Variants in PHF2 observed in about 807,000 individuals in gnomAD.
PHF2 encodes the protein lysine-specific demethylase PHF2.
Under a neutral mutation model 120.5 loss-of-function variants are expected in PHF2, and 27 were observed. The ratio of observed to expected loss-of-function variants is 0.22; its 90% CI spans 0.17 to 0.31. PHF2 has a LOEUF of 0.31. Ranked by LOEUF, PHF2 falls within the 10% of genes least tolerant of loss-of-function variation. The pLI is 1.00. For missense variants in PHF2, 1,024 were observed against 1,434.8 expected (o/e 0.71, Z 4.63); for synonymous variants, 568 against 592.5 (o/e 0.96, Z 0.60).
chr9:93,665,845 C>T lies in PHF2; in HGVS notation c.2097C>T (p.Ala699=), dbSNP rs774475606. ...TTCCCATCAGGAGGAAGAAAAACGC[C>T]CCGAAAAGGGACTTGTCCTGTGAGT... ...DEFPIRRKKN[A]PKRDLSFLLD... is the part of the protein sequence containing the mutation. The change falls in exon 15 of 22, where the codon GCC becomes GCT. Residue 699 remains alanine (A), a synonymous_variant. Transcript: ENST00000359246. 7 of 1,613,560 alleles carry T rather than the reference C, an allele frequency of 4.3e-6. No individual in the cohort carries two copies. In the South Asian group the frequency reaches 6.6e-5, roughly 15 times the overall value.
intron 3 of PHF2, 80 bp from the exon 4 acceptor site, chr9:93,645,549 G>T (rs1254279923): frequency 1.1e-5 from 16 of 1,413,538 alleles, no homozygotes; most frequent in Middle Eastern, 4.4e-4. Context: ...CACCTCTCCA[G>T]CACCGAGGCC....
At chr9:93,647,116 T>G (rs79049472) in intron 4 of PHF2, among the ~76,000 whole-genome samples, 10,530 of 152,296 alleles carry the variant, frequency 0.069, 430 homozygotes, top group Non-Finnish European at 0.088. Context: ...CAGCCTTGTG[T>G]ACCCCAGCTG....
chr9:93,601,787 C>T (rs537477547), intron 1 of PHF2, among the ~76,000 whole-genome samples: 1 of 152,208 alleles, frequency 6.6e-6, no homozygotes, highest in African/African-American at 2.4e-5. Context: ...TCATTAATTT[C>T]CTGGAGCTCC....
chr9:93,667,620 G>A (rs1333018095), intron 17 of PHF2, among the ~76,000 whole-genome samples: 1 of 152,176 alleles, frequency 6.6e-6, no homozygotes, highest in Non-Finnish European at 1.5e-5. Context: ...GTCGGGGGCT[G>A]CAGCTGCCAT....
intron 2 of PHF2, among the ~76,000 whole-genome samples, chr9:93,631,330 C>T (rs114579875): frequency 6.6e-6 from 1 of 152,178 alleles, no homozygotes; most frequent in Non-Finnish European, 1.5e-5. Context: ...ACCCTATCCC[C>T]AGCACAGCCT....
At position 93,608,341 on chromosome 9, in the gene PHF2, A is replaced by ATTG. The variant is rs144902285; in HGVS notation, c.99-21627_99-21626insGTT. Among the ~76,000 whole-genome samples the ATTG allele has an allele frequency of 2.5e-4, 38 of 149,774 alleles. No individual in the cohort carries two copies. The East Asian group carries it at 6.8e-3, about 27-fold the overall frequency. ...CTGTCTCATAATAATAATAATTATT[A>ATTG]TTTTTGTACATCGTTGGTTTTTGGG... On this transcript the variant is annotated intron_variant, in intron 1 of 21. Transcript: ENST00000359246.
At chr9:93,675,946 T>C (rs1282081641) in intron 20 of PHF2, among the ~76,000 whole-genome samples, 157 bp downstream of exon 20, 2 of 152,176 alleles carry the variant, frequency 1.3e-5, no homozygotes, top group Non-Finnish European at 2.9e-5. Context: ...GAGAGTGCCC[T>C]ATTCCTCCAG....
intron 3 of PHF2, among the ~76,000 whole-genome samples, chr9:93,642,830 T>A (rs1009805566): frequency 6.6e-6 from 1 of 152,228 alleles, no homozygotes; most frequent in South Asian, 2.1e-4. Flanking sequence ...TTCTTCAAAT[T>A]TACTATTTTT....
chr9:93,643,038 G>A (rs1370656370), intron 3 of PHF2, among the ~76,000 whole-genome samples: 1 of 150,656 alleles, frequency 6.6e-6, no homozygotes, highest in African/African-American at 2.4e-5. Flanking sequence ...ATCTCTTTTC[G>A]GTTGTTCTAT....
rs759798260 is a variant in PHF2, at chr9:93,630,041, A to G, written c.170A>G (p.His57Arg). The part of the protein sequence containing the change: ...IYHCPNCEKT[H>R]GKSTLKKKRT... ...CACTGCCCAAACTGTGAGAAAACCC[A>G]TGGGAAGTCCACCTGTAAGTACCGC... Residue 57 changes from histidine to arginine, a missense_variant, in exon 2 of 22, where the codon CAT becomes CGT. Around this residue, in one of 2 missense-constraint regions of PHF2, gnomAD observed 347 missense variants for 577.4 expected, o/e 0.60. Coordinates refer to ENST00000359246, the MANE Select transcript of PHF2 (RefSeq NM_005392.4). 1 of 1,613,300 alleles carries G rather than the reference A, an allele frequency of 6.2e-7. No homozygotes were observed. The highest frequency in any genetic ancestry group is 1.1e-5 in the South Asian group (1 of 91,038).
chr9:93,672,510 G>T (rs1587722529), intron 17 of PHF2: 4 of 984,482 alleles, frequency 4.1e-6, no homozygotes, highest in East Asian at 2.3e-4. Flanking sequence ...GCAGGTATGG[G>T]TGTAGGTACA....
intron 3 of PHF2, among the ~76,000 whole-genome samples, chr9:93,639,996 T>C (rs1486906300): frequency 1.3e-5 from 2 of 152,250 alleles, no homozygotes; most frequent in Admixed American, 6.5e-5. Context: ...CTTCATTTGC[T>C]GTTTGGTCTT....
chr9:93,579,248 A>C (rs1389961219), intron 1 of PHF2, among the ~76,000 whole-genome samples: 1 of 152,112 alleles, frequency 6.6e-6, no homozygotes, highest in Non-Finnish European at 1.5e-5. Flanking sequence ...TGATCTTCGT[A>C]CCGCCTGTAC....
intron 3 of PHF2, among the ~76,000 whole-genome samples, chr9:93,640,430 A>G (rs1337459855): frequency 6.6e-6 from 1 of 151,784 alleles, no homozygotes; most frequent in East Asian, 1.9e-4. Context: ...GGAAGTTTTT[A>G]TTGATATAAC....
chr9:93,604,410 C>T (rs1825501586), intron 1 of PHF2, among the ~76,000 whole-genome samples: 1 of 151,340 alleles, frequency 6.6e-6, no homozygotes, highest in African/African-American at 2.4e-5. Context: ...TCTGAGATTC[C>T]ATAGCAGCAT....
Position 93,665,880 on chromosome 9 carries a change from G to GTGTT in PHF2, c.2116+17_2116+20dup. 6.2e-7 allele frequency: 1 copy of GTGTT among 1,611,450 alleles called. No individual in the cohort carries two copies. ...GACTTGTCCTGTGAGTTGGGAGGGG[G>GTGTT]TGTTGGGGGAGGGGTGTGGGAGAGG... On this transcript the variant is annotated intron_variant, in intron 15 of 21. Coordinates refer to ENST00000359246, the MANE Select transcript of PHF2 (RefSeq NM_005392.4).
chr9:93,652,474 G>A (rs988633579), intron 5 of PHF2, among the ~76,000 whole-genome samples: 20 of 151,612 alleles, frequency 1.3e-4, no homozygotes, highest in Admixed American at 6.6e-5. Flanking sequence ...TATGTTTTTA[G>A]TAGAGACAGT....
intron 1 of PHF2, among the ~76,000 whole-genome samples, chr9:93,592,804 C>T (rs1202854402): frequency 6.6e-6 from 1 of 152,074 alleles, no homozygotes; most frequent in Non-Finnish European, 1.5e-5. Context: ...GGCCAAGCAC[C>T]AGTACGTGGC....
chr9:93,622,315 G>A (rs1174495461), intron 1 of PHF2, among the ~76,000 whole-genome samples: 4 of 152,180 alleles, frequency 2.6e-5, no homozygotes, highest in African/African-American at 7.2e-5. Context: ...TTCTTAGCTC[G>A]GTCGGCAGAA....
Sources: allele counts gnomAD v4.1 joint callset (sites outside exome capture counted in the v4.1 genomes callset), GRCh38; gene constraint gnomAD v4.1.1; regional missense constraint gnomAD v4.1.1; transcripts MANE v1.5; gene names NCBI Gene and HGNC (gene_info 2026-07-23, HGNC 2026-07-21).